The following PKP4 variants were observed in gnomAD, a reference collection of about 807,000 sequenced individuals.
PKP4 encodes plakophilin-4.
Under a neutral mutation model 145.1 loss-of-function variants are expected in PKP4, and 90 were observed. The observed-to-expected ratio is 0.62, with a 90% CI of 0.52 to 0.74. The LOEUF (loss-of-function observed/expected upper bound fraction) is 0.74. Ranked by LOEUF, PKP4 falls within the 30% of genes least tolerant of loss-of-function variation. The pLI is 0.00. For synonymous variants in PKP4, 563 were observed against 577.2 expected (o/e 0.98, Z 0.35); for missense variants, 1,340 against 1,482.7 (o/e 0.90, Z 1.58).
chr2:158,543,689 TA>T (rs1441513425), intron 2 of PKP4, among the ~76,000 whole-genome samples: 1 of 152,214 alleles, frequency 6.6e-6, no homozygotes, highest in Admixed American at 6.5e-5. Flanking sequence ...AACAGCTCTT[TA>T]CTCAAAGATG....
chr2:158,484,307 A>G (rs1024996333), intron 1 of PKP4, among the ~76,000 whole-genome samples: 1 of 151,734 alleles, frequency 6.6e-6, no homozygotes, highest in Non-Finnish European at 1.5e-5. Flanking sequence ...TCGGCCTCCC[A>G]AAGTGCTGGG....
chr2:158,458,932 A>G (rs929992649), intron 1 of PKP4, among the ~76,000 whole-genome samples: 2 of 144,126 alleles, frequency 1.4e-5, no homozygotes, highest in African/African-American at 5.6e-5. Context: ...ACTGAGTTTG[A>G]CTGAAAAAAA....
chr2:158,592,953 C>T (rs1328332841), intron 3 of PKP4, among the ~76,000 whole-genome samples: 2 of 152,170 alleles, frequency 1.3e-5, no homozygotes, highest in African/African-American at 2.4e-5. Context: ...TGTGCCCAGT[C>T]TCACATAGAA....
chr2:158,519,795 A>G (rs988478743), intron 1 of PKP4, among the ~76,000 whole-genome samples: 1 of 152,196 alleles, frequency 6.6e-6, no homozygotes, highest in Non-Finnish European at 1.5e-5. Context: ...GTTGAAATTT[A>G]TGCTCATCTT....
At chr2:158,601,248 G>A (rs564273595) in intron 3 of PKP4, among the ~76,000 whole-genome samples, 1 of 152,258 alleles carries the variant, frequency 6.6e-6, no homozygotes, top group South Asian at 2.1e-4. Context: ...TTTCATTAAA[G>A]TTGATATAAG....
At chr2:158,675,356 T>C (rs1238496591) in intron 19 of PKP4, among the ~76,000 whole-genome samples, 2 of 152,142 alleles carry the variant, frequency 1.3e-5, no homozygotes, top group African/African-American at 2.4e-5. Flanking sequence ...TTGTTAATGT[T>C]AGTGTATTTT....
chr2:158,580,020 C>G (rs539582989), intron 3 of PKP4, among the ~76,000 whole-genome samples: 1 of 152,156 alleles, frequency 6.6e-6, no homozygotes, highest in African/African-American at 2.4e-5. Context: ...GAGGACGATA[C>G]TAGGAATTAG....
Position 158,673,524 on chromosome 2 carries a change from A to AC in PKP4, c.2925-151dup, listed in dbSNP as rs368799180. ...CCGAACCTGATCGACTCCCAGGCAC[A>AC]CCTGGTCCCTTTGTGGTGTGTCCTG... On this transcript the variant is annotated intron_variant, in intron 17 of 21. Transcript: ENST00000389759. Among the ~76,000 whole-genome samples, 739 of 152,324 alleles carry AC rather than the reference A, an allele frequency of 4.9e-3. 2 individuals are homozygous for AC. Among genetic ancestry groups the AC allele is most frequent in the African/African-American group, 0.016 (675 of 41,566 alleles).
At chr2:158,572,594 A>T (rs562978268) in intron 2 of PKP4, among the ~76,000 whole-genome samples, 2 of 152,320 alleles carry the variant, frequency 1.3e-5, no homozygotes, top group Admixed American at 1.3e-4. Context: ...CCAAAGCTAG[A>T]ACTTGCCAAA....
At chr2:158,517,141 A>G (rs1453362159) in intron 1 of PKP4, among the ~76,000 whole-genome samples, 12 of 152,178 alleles carry the variant, frequency 7.9e-5, no homozygotes, top group African/African-American at 2.9e-4. Context: ...CTAGCATTTG[A>G]TATGAAAAAC....
At chr2:158,494,725 A>G (rs1197303186) in intron 1 of PKP4, among the ~76,000 whole-genome samples, 2 of 152,182 alleles carry the variant, frequency 1.3e-5, no homozygotes, top group African/African-American at 2.4e-5. Flanking sequence ...AACCAAATAG[A>G]GATTTTAGTT....
chr2:158,568,574 A>G (rs1396610703), intron 2 of PKP4, among the ~76,000 whole-genome samples: 1 of 152,182 alleles, frequency 6.6e-6, no homozygotes, highest in African/African-American at 2.4e-5. Flanking sequence ...TCAATTAGAG[A>G]TAGTGAATTT....
intron 6 of PKP4, among the ~76,000 whole-genome samples, chr2:158,622,196 A>T (rs368357779): frequency 5.0e-4 from 76 of 152,312 alleles, no homozygotes; most frequent in African/African-American, 1.7e-3. Flanking sequence ...ATTCTCTAAA[A>T]CTACATTTCT....
chr2:158,572,060 A>G (rs922129313), intron 2 of PKP4, among the ~76,000 whole-genome samples: 3 of 152,192 alleles, frequency 2.0e-5, no homozygotes, highest in Non-Finnish European at 4.4e-5. Context: ...ACATCAACCT[A>G]AACAGGAAGA....
chr2:158,588,340 C>A (rs2048979749), intron 3 of PKP4: 1 of 152,104 alleles, frequency 6.6e-6, no homozygotes, highest in African/African-American at 2.4e-5. Flanking sequence ...TTCCTTCTTT[C>A]TTTCTGCCAA....
chr2:158,485,532 C>T (rs979884371), intron 1 of PKP4, among the ~76,000 whole-genome samples: 7 of 152,148 alleles, frequency 4.6e-5, no homozygotes, highest in South Asian at 2.1e-4. Context: ...CTGCATGAAC[C>T]GTGCATGTTT....
intron 1 of PKP4, among the ~76,000 whole-genome samples, chr2:158,516,740 A>G (rs2041971709): frequency 1.3e-5 from 2 of 151,030 alleles, no homozygotes; most frequent in East Asian, 1.9e-4. Flanking sequence ...GCTCACCACA[A>G]CCTCTGCCTT....
chr2:158,517,757 A>C (rs1395333480), intron 1 of PKP4, among the ~76,000 whole-genome samples: 2 of 151,710 alleles, frequency 1.3e-5, no homozygotes, highest in Non-Finnish European at 2.9e-5. Context: ...ACTCTACAAA[A>C]AAAAAAATGA....
At chr2:158,629,412 C>T (rs1332921096) in intron 7 of PKP4, among the ~76,000 whole-genome samples, 2 of 152,148 alleles carry the variant, frequency 1.3e-5, no homozygotes, top group Admixed American at 6.5e-5. Context: ...TCCTTTTGGA[C>T]TCTGTTTCCT....
Sources: allele counts gnomAD v4.1 joint callset (sites outside exome capture counted in the v4.1 genomes callset), GRCh38; gene constraint gnomAD v4.1.1; transcripts MANE v1.5; gene names NCBI Gene and HGNC (gene_info 2026-07-23, HGNC 2026-07-21).